HERPUD1: variants seen among roughly 807,000 people sequenced by gnomAD.
HERPUD1 encodes the protein homocysteine-responsive endoplasmic reticulum-resident ubiquitin-like domain member 1 protein.
A neutral mutation model predicts 45.0 loss-of-function variants in HERPUD1; 17 were observed. The ratio of observed to expected loss-of-function variants is 0.38; its 90% CI spans 0.26 to 0.57. The LOEUF (loss-of-function observed/expected upper bound fraction) is 0.57, where lower values mean the gene tolerates loss of function less well. HERPUD1 is among the 20% of genes least tolerant of loss of function. The pLI is 0.72. For synonymous variants in HERPUD1, 164 were observed against 177.5 expected (o/e 0.92, Z 0.61); for missense variants, 420 against 490.5 (o/e 0.86, Z 1.36).
Position 56,942,195 on chromosome 16 carries a change from T to A in HERPUD1, c.969T>A (p.Pro323=). The part of the protein sequence containing the change: ...RPVQNFPNDG[P]PPDVVNQDPN... ...TTCAGAACTTCCCAAATGATGGTCC[T>A]CCTCCTGACGTTGTAAATCAGGACC... Residue 323 remains proline (P), a synonymous_variant, in exon 7 of 8, where the codon CCT becomes CCA. Transcript: ENST00000439977. 6.2e-7 allele frequency: 1 copy of A among 1,614,150 alleles called. No homozygotes were observed. The highest frequency in any genetic ancestry group is 8.5e-7 in the Non-Finnish European group (1 of 1,180,000).
In HERPUD1 at chr16:56,936,020, C is replaced by T. The variant is rs188524608; in HGVS notation, c.300+545C>T. ...CCTCCCACCTCAGCCTCCTGAGTAG[C>T]TGGGACTACAGGCATGTGCCACTAG... On this transcript the variant is annotated intron_variant, in intron 3 of 7. Transcript: ENST00000439977. The T allele has an allele frequency of 1.6e-3, 245 of 154,894 alleles. 1 individual carries two copies. Among genetic ancestry groups the T allele is most frequent in the Non-Finnish European group, 2.2e-3 (154 of 69,808 alleles). 9.6% of individuals were successfully genotyped at this position (154,894 alleles called of 1,614,324 possible). A position where few individuals can be genotyped will look rare whatever the true frequency, so the allele number is the denominator to read the frequency against.
rs2055859837 is a variant in HERPUD1, at chr16:56,935,484, G to C, written c.300+9G>C. 1 of 1,608,954 alleles carries C rather than the reference G, an allele frequency of 6.2e-7. No individual in the cohort carries two copies. Among genetic ancestry groups the C allele is most frequent in the African/African-American group, 1.3e-5 (1 of 74,950 alleles). On this transcript the variant is annotated intron_variant, in intron 3 of 7. Transcript: ENST00000439977. The stretch of plus-strand genomic sequence containing the variant: ...CAGAAATCAACGCCAAGGTGTGTCT[G>C]CCTCTTCATGATGGTAACAATTTGT...
rs1596977670 is a variant in HERPUD1, at chr16:56,935,307, C to G, written c.220C>G (p.Pro74Ala). ...TCACCAATGTCTCAGGGACTTGCTT[C>G]CAAAGGTACATCACTTACACATTAA... is the stretch of plus-strand genomic sequence containing the variant. ...LDHQCLRDLLPKQEKRHVLHL... is the reference protein window; with the variant it reads ...LDHQCLRDLLAKQEKRHVLHL... Residue 74 changes from proline (P) to alanine (A), a missense_variant, in exon 2 of 8, where the codon CCA (proline) becomes GCA (alanine). Pro to Ala is a conservative substitution (Grantham distance 27). Transcript: ENST00000439977. The G allele has an allele frequency of 1.2e-6, 2 of 1,613,748 alleles. No individual in the cohort carries two copies. The highest frequency in any genetic ancestry group is 4.5e-5 in the East Asian group (2 of 44,874).
chr16:56,936,948 G>A, intron 4 of HERPUD1, 131 bp downstream of exon 4: 1 of 955,768 alleles, frequency 1.0e-6, no homozygotes, highest in South Asian at 2.2e-5. Flanking sequence ...TTTATAAATA[G>A]CTTCGCTTTA....
intron 4 of HERPUD1, among the ~76,000 whole-genome samples, chr16:56,938,508 A>G (rs2055883444): frequency 6.6e-6 from 1 of 150,622 alleles, no homozygotes; most frequent in South Asian, 2.1e-4. Flanking sequence ...GCTTGCAGTG[A>G]GCCGAGATTG....
chr16:56,940,211 C>G lies in HERPUD1; in HGVS notation c.871C>G (p.Leu291Val). The change falls in exon 6 of 8, where the codon CTC becomes GTC. Residue 291 changes from leucine (L) to valine (V), a missense_variant. Transcript: ENST00000439977. ...LYFYSSLSRF[L>V]MVMGATVVMY... ...CTTCTACTCCTCCCTGAGCAGATTC[C>G]TCATGGTCATGGGGGCCACCGTTGT... is the stretch of plus-strand genomic sequence containing the variant. 6.2e-7 allele frequency: 1 copy of G among 1,613,922 alleles called. No homozygotes were observed. The highest frequency in any genetic ancestry group is 8.5e-7 in the Non-Finnish European group (1 of 1,179,784).
rs779665054 is a variant in HERPUD1 at position 56,939,257 on chromosome 16, C to T, written c.452C>T (p.Ala151Val). The change falls in exon 5 of 8, where the codon GCA (alanine) becomes GTA (valine). Residue 151 changes from alanine (A) to valine (V), a missense_variant. By Grantham distance (64) the Ala-to-Val change is moderately conservative (BLOSUM62 0). Coordinates refer to ENST00000439977, the MANE Select transcript of HERPUD1 (RefSeq NM_014685.4). ...NISRPEAAQQ[A>V]FQGLGPGFSG... ...TATAGGCCTGAAGCTGCCCAGCAGG[C>T]ATTCCAAGGCCTGGGTCCTGGTTTC... 16 of 1,614,108 alleles carry T rather than the reference C, an allele frequency of 9.9e-6. No homozygotes were observed. The highest frequency in any genetic ancestry group is 1.4e-5 in the Non-Finnish European group (16 of 1,180,042).
intron 6 of HERPUD1, chr16:56,941,554 G>T (rs2055909828): frequency 6.6e-6 from 1 of 152,134 alleles, no homozygotes; most frequent in Non-Finnish European, 1.5e-5. Flanking sequence ...GAAACTAAAA[G>T]AAGAAATTTT....
intron 6 of HERPUD1, 89 bp from the exon 7 acceptor site, chr16:56,942,043 G>A: frequency 9.2e-6 from 9 of 975,494 alleles, no homozygotes; most frequent in Non-Finnish European, 1.5e-5. Flanking sequence ...TCAGGGTGCT[G>A]CTGTGATTAG....
intron 1 of HERPUD1, 101 bp downstream of exon 1, chr16:56,932,492 C>CG: frequency 4.5e-6 from 5 of 1,111,828 alleles, no homozygotes; most frequent in Non-Finnish European, 3.7e-6. Context: ...CTCCCGCTGA[C>CG]GGCTGCGATC....
chr16:56,934,682 A>T (rs575886636), intron 1 of HERPUD1, among the ~76,000 whole-genome samples: 2 of 131,524 alleles, frequency 1.5e-5, no homozygotes, highest in East Asian at 4.6e-4. Flanking sequence ...TTAAGTTTGG[A>T]CTGGAGATAA....
At chr16:56,936,554 T>G (rs2055867809) in intron 3 of HERPUD1, 133 bp from the exon 4 acceptor site, 3 of 624,542 alleles carry the variant, frequency 4.8e-6, no homozygotes. Context: ...TAACGTTGCT[T>G]CTGTTTAATT....
chr16:56,939,291 C>T lies in HERPUD1; in HGVS notation c.486C>T (p.Tyr162=), dbSNP rs1415078053. Residue 162 remains tyrosine (Y), a synonymous_variant, in exon 5 of 8, where the codon TAC becomes TAT. Coordinates refer to ENST00000439977, the MANE Select transcript of HERPUD1 (RefSeq NM_014685.4). ...FQGLGPGFSG[Y]TPYGWLQLSW... ...GCCTGGGTCCTGGTTTCTCCGGTTA[C>T]ACACCCTATGGGTGGCTTCAGCTTT... 6.2e-7 allele frequency: 1 copy of T among 1,614,232 alleles called. No individual in the cohort carries two copies. Among genetic ancestry groups the T allele is most frequent in the African/African-American group, 1.3e-5 (1 of 75,066 alleles).
intron 6 of HERPUD1, 107 bp from the exon 7 acceptor site, chr16:56,942,025 T>G: frequency 1.5e-4 from 121 of 823,216 alleles, no homozygotes; most frequent in Non-Finnish European, 2.2e-4. Context: ...GGTCTTGCAG[T>G]GAGCTTATCA....
chr16:56,937,093 G>A (rs1330187321), intron 4 of HERPUD1: 2 of 219,002 alleles, frequency 9.1e-6, no homozygotes, highest in Non-Finnish European at 1.8e-5. Flanking sequence ...TGACCGCTTG[G>A]TTGCCGTCAT....
Position 56,939,917 on chromosome 16 carries a change from G to A in HERPUD1, c.577G>A (p.Gly193Arg). The A allele has an allele frequency of 6.2e-7, 1 of 1,610,952 alleles. No individual in the cohort carries two copies. Among genetic ancestry groups the A allele is most frequent in the Non-Finnish European group, 8.5e-7 (1 of 1,177,182 alleles). The change falls in exon 6 of 8, where the codon GGG becomes AGG. Residue 193 changes from glycine (G) to arginine (R), a missense_variant. Physicochemically the swap from Gly to Arg is moderately radical, Grantham distance 125. Coordinates refer to ENST00000439977, the MANE Select transcript of HERPUD1 (RefSeq NM_014685.4). ...MQYLAATAAS[G>R]AFVPPPSAQE... is the part of the protein sequence containing the mutation. ...TAGTTTAGCAGCCACTGCTGCATCAGGGGCTTTTGTTCCACCACCAAGTGC... is the reference window on the plus strand; with the variant it reads ...TAGTTTAGCAGCCACTGCTGCATCAAGGGCTTTTGTTCCACCACCAAGTGC...
Position 56,942,169 on chromosome 16 carries a change from G to T in HERPUD1, c.943G>T (p.Val315Phe), listed in dbSNP as rs1478305508. 33 of 1,614,116 alleles carry T rather than the reference G, an allele frequency of 2.0e-5. No individual in the cohort carries two copies. In the East Asian group the frequency reaches 7.4e-4, roughly 36 times the overall value. ...VGWFPFRPRP[V>F]QNFPNDGPPP... ...GTGGTTTCCATTTAGACCGAGGCCG[G>T]TTCAGAACTTCCCAAATGATGGTCC... is the stretch of plus-strand genomic sequence containing the variant. Residue 315 changes from valine (V) to phenylalanine (F), a missense_variant, in exon 7 of 8, where the codon GTT (valine) becomes TTT (phenylalanine). Val to Phe is a conservative substitution (Grantham distance 50). Coordinates refer to ENST00000439977, the MANE Select transcript of HERPUD1 (RefSeq NM_014685.4).
chr16:56,939,346 T>C lies in HERPUD1; in HGVS notation c.541T>C (p.Tyr181His). ...SWFQQIYARQ[Y>H]YMQYLAATAA... ...GTTCCAGCAGATATATGCACGACAG[T>C]ACTACATGCAATAGTGAGTCCTTCC... The change falls in exon 5 of 8, where the codon TAC becomes CAC. Residue 181 changes from tyrosine to histidine, a missense_variant. Transcript: ENST00000439977. 6.2e-7 allele frequency: 1 copy of C among 1,614,208 alleles called. No individual in the cohort carries two copies. Among genetic ancestry groups the C allele is most frequent in the Non-Finnish European group, 8.5e-7 (1 of 1,180,042 alleles).
intron 6 of HERPUD1, chr16:56,941,910 T>C: frequency 2.1e-6 from 1 of 487,424 alleles, no homozygotes; most frequent in Non-Finnish European, 3.7e-6. Flanking sequence ...GCTGTTTATA[T>C]GGCTGGGTGT....
Sources: gnomAD v4.1 joint callset for allele counts (sites outside exome capture counted in the v4.1 genomes callset) on GRCh38, gnomAD v4.1.1 for gene constraint, MANE v1.5 for transcripts, NCBI Gene and HGNC (gene_info 2026-07-23, HGNC 2026-07-21) for gene names.